KIFC3: variants seen among roughly 807,000 people sequenced by gnomAD.
KIFC3 encodes the protein kinesin family member C3.
A neutral mutation model predicts 101.8 loss-of-function variants in KIFC3; 60 were observed. That is an observed-to-expected ratio of 0.59 (90% CI 0.48 to 0.73). The LOEUF is 0.73. Among genes scored for constraint, KIFC3 ranks in the 30% least tolerant of loss-of-function variants. The probability of loss-of-function intolerance (pLI) is 0.00; values close to 1 mark genes in which losing one functional copy is unlikely to be tolerated. For synonymous variants in KIFC3, 476 were observed against 482.7 expected (o/e 0.99, Z 0.18); for missense variants, 966 against 1,137.1 (o/e 0.85, Z 2.16).
chr16:57,765,550 T>G lies in KIFC3; in HGVS notation c.1421A>C (p.Asp474Ala), dbSNP rs2050393107. The change falls in exon 11 of 20, where the codon GAC becomes GCC. Residue 474 changes from aspartate to alanine, a missense_variant. By Grantham distance (126) the Asp-to-Ala change is moderately radical (BLOSUM62 -2). This residue lies in a region of KIFC3 where 689 missense variants were observed against 884.6 expected (regional missense o/e 0.78). Coordinates refer to ENST00000445690, the MANE Select transcript of KIFC3 (RefSeq NM_001130100.2). ...CAGCAGGTGGATGATGGAGTCGTCG[T>G]CGGCATCGAAAGTCACAGCATTGGT... is the stretch of plus-strand genomic sequence containing the variant. ...EATNAVTFDA[D>A]DDSIIHLLHK... The G allele has an allele frequency of 3.7e-6, 6 of 1,604,540 alleles. No homozygotes were observed. Among genetic ancestry groups the G allele is most frequent in the South Asian group, 1.1e-5 (1 of 89,002 alleles).
intron 3 of KIFC3, chr16:57,776,392 C>T (rs1423526324): frequency 1.0e-6 from 1 of 984,796 alleles, no homozygotes; most frequent in African/African-American, 1.8e-5. Flanking sequence ...GTCTTCACCT[C>T]TGGGTCCTTC....
At chr16:57,767,871 C>T (rs1555604256) in intron 9 of KIFC3, among the ~76,000 whole-genome samples, 1 of 151,996 alleles carries the variant, frequency 6.6e-6, no homozygotes, top group African/African-American at 2.4e-5. Flanking sequence ...AGATGGGGTC[C>T]CACTATGTTG....
chr16:57,765,686 CCA>C, intron 10 of KIFC3, 46 bp from the exon 11 acceptor site: 1 of 1,547,974 alleles, frequency 6.5e-7, no homozygotes, highest in Non-Finnish European at 8.8e-7. Context: ...CATGTCAAGA[CCA>C]GTCTCCATTC....
intron 1 of KIFC3, chr16:57,816,544 C>A: frequency 2.2e-6 from 1 of 456,754 alleles, no homozygotes. Flanking sequence ...ACACGGGCTG[C>A]GAGTGACAGC....
chr16:57,773,510 C>T (rs546048902), intron 3 of KIFC3, among the ~76,000 whole-genome samples: 6 of 152,174 alleles, frequency 3.9e-5, no homozygotes, highest in Non-Finnish European at 7.3e-5. Flanking sequence ...AAAACTCAGC[C>T]GAGTGCACCA....
At chr16:57,773,839 C>T (rs1328156128) in intron 3 of KIFC3, 23 of 152,116 alleles carry the variant, frequency 1.5e-4, no homozygotes, top group African/African-American at 5.6e-4. Context: ...CCTCGGAGGT[C>T]CCTGTCTCCC....
In KIFC3 at chr16:57,765,577, G is replaced by A; in HGVS notation, c.1394C>T (p.Ala465Val). The change falls in exon 11 of 20, where the codon GCC becomes GTC. Residue 465 changes from alanine (A) to valine (V), a missense_variant. By Grantham distance (64) the Ala-to-Val change is moderately conservative. Around this residue, in one of 2 missense-constraint regions of KIFC3, gnomAD observed 689 missense variants for 884.6 expected, o/e 0.78. Coordinates refer to ENST00000445690, the MANE Select transcript of KIFC3 (RefSeq NM_001130100.2). ...GGCATCGAAAGTCACAGCATTGGTG[G>A]CCTCAGGTCCTTCCCCATCCTCTTT... is the stretch of plus-strand genomic sequence containing the variant. Reference protein sequence around the residue: ...VTKEDGEGPEATNAVTFDADD... With the variant: ...VTKEDGEGPEVTNAVTFDADD... The A allele has an allele frequency of 6.2e-7, 1 of 1,610,412 alleles. No homozygotes were observed. Among genetic ancestry groups the A allele is most frequent in the South Asian group, 1.1e-5 (1 of 89,904 alleles).
chr16:57,763,471 A>G (rs2050100332), intron 12 of KIFC3, among the ~76,000 whole-genome samples: 2 of 152,056 alleles, frequency 1.3e-5, no homozygotes, highest in Admixed American at 6.5e-5. Flanking sequence ...TCCAGACGCC[A>G]CACCACCTGG....
At chr16:57,819,306 C>CA (rs1246184795) in intron 1 of KIFC3, among the ~76,000 whole-genome samples, 2 of 152,076 alleles carry the variant, frequency 1.3e-5, no homozygotes, top group Non-Finnish European at 2.9e-5. Context: ...CCTGTCTCTA[C>CA]AAAAAATTAA....
chr16:57,765,391 C>T, intron 11 of KIFC3, 68 bp downstream of exon 11: 2 of 1,478,780 alleles, frequency 1.4e-6, no homozygotes, highest in Non-Finnish European at 1.8e-6. Flanking sequence ...CCCAGCGCCC[C>T]CGCTCCCTGT....
intron 1 of KIFC3, among the ~76,000 whole-genome samples, chr16:57,840,722 C>T (rs1261075884): frequency 8.0e-5 from 12 of 150,146 alleles, no homozygotes; most frequent in Admixed American, 7.3e-4. Context: ...ATCTCGCCAC[C>T]GCACTCCAGC....
chr16:57,771,707 G>A, intron 4 of KIFC3, 21 bp from the exon 5 acceptor site: 2 of 1,604,192 alleles, frequency 1.2e-6, no homozygotes, highest in South Asian at 1.1e-5. Context: ...CCAGGGCCGA[G>A]GGGGCGCATG....
At chr16:57,839,303 G>A (rs113451051) in intron 1 of KIFC3, among the ~76,000 whole-genome samples, 5,147 of 152,240 alleles carry the variant, frequency 0.034, 109 homozygotes, top group South Asian at 0.085. Context: ...CTTTGGGGAG[G>A]CCAAGGCGGG....
intron 1 of KIFC3, chr16:57,816,111 A>C: frequency 3.2e-6 from 3 of 948,282 alleles, no homozygotes; most frequent in South Asian, 1.7e-5. Flanking sequence ...TCCTCTTACC[A>C]GTGGCTCTGA....
At chr16:57,858,397 TTTTTG>T (rs1482491843) in intron 1 of KIFC3, among the ~76,000 whole-genome samples, 1 of 152,134 alleles carries the variant, frequency 6.6e-6, no homozygotes. Context: ...TTATTTTTGC[TTTTTG>T]TTTTGTTTTG....
Position 57,758,577 on chromosome 16 carries a change from G to C in KIFC3, c.*357C>G. ...GCTGGCCAGCTCTGCAAGCTGAGGA[G>C]AGGGGCCGAGAAAGCCTGGGTGAGA... On this transcript the variant is annotated 3_prime_UTR_variant, in exon 20 of 20. Transcript: ENST00000445690. 1.5e-6 allele frequency: 1 copy of C among 665,968 alleles called. No homozygotes were observed. Among genetic ancestry groups the C allele is most frequent in the South Asian group, 1.5e-5 (1 of 66,352 alleles). 41.3% of individuals were successfully genotyped at this position (665,968 alleles called of 1,614,324 possible).
At chr16:57,840,419 G>C (rs1230205240) in intron 1 of KIFC3, among the ~76,000 whole-genome samples, 1 of 151,958 alleles carries the variant, frequency 6.6e-6, no homozygotes, top group African/African-American at 2.4e-5. Flanking sequence ...TTGAGCCCAG[G>C]AGTCAAGACT....
At chr16:57,819,352 G>A (rs1291843980) in intron 1 of KIFC3, among the ~76,000 whole-genome samples, 1 of 152,066 alleles carries the variant, frequency 6.6e-6, no homozygotes, top group Non-Finnish European at 1.5e-5. Context: ...TGCCTGTAGT[G>A]CTAGCTACCT....
intron 1 of KIFC3, among the ~76,000 whole-genome samples, chr16:57,862,317 C>T (rs1255323762): frequency 1.3e-5 from 2 of 151,560 alleles, no homozygotes; most frequent in Non-Finnish European, 2.9e-5. Flanking sequence ...AGCCACCTTG[C>T]CTGGCTGAGA....
Sources: gnomAD v4.1 joint callset for allele counts (sites outside exome capture counted in the v4.1 genomes callset) on GRCh38, gnomAD v4.1.1 for gene constraint, gnomAD v4.1.1 regional missense constraint, MANE v1.5 for transcripts, NCBI Gene and HGNC (gene_info 2026-07-23, HGNC 2026-07-21) for gene names.